Variants in LRRC40 observed in about 807,000 individuals in gnomAD.
LRRC40 encodes leucine rich repeat containing 40.
LRRC40 carries 76 observed loss-of-function variants against 72.8 expected under a neutral mutation model. The ratio of observed to expected loss-of-function variants is 1.04; its 90% CI spans 0.87 to 1.26. The LOEUF (loss-of-function observed/expected upper bound fraction) is 1.26, where lower values mean the gene tolerates loss of function less well. Ranked by LOEUF, LRRC40 falls within the 50% of genes most tolerant of loss-of-function variation. LRRC40 has a pLI of 0.00. For synonymous variants in LRRC40, 243 were observed against 254.2 expected, an observed-to-expected ratio of 0.96 and a Z score of 0.42; for missense variants, 684 against 698.9, an observed-to-expected ratio of 0.98 and a Z score of 0.24.
Position 70,145,852 on chromosome 1 carries a change from A to G in LRRC40, c.1757T>C (p.Met586Thr). ...PFRVPRAAIL[M>T]KGTAAILEYL... ...TTCAAGTATAGCAGCTGTTCCTTTC[A>G]TTAATATGGCTGCTCGAGGAACTCG... Residue 586 changes from methionine to threonine, a missense_variant, in exon 15 of 15, where the codon ATG becomes ACG. Transcript: ENST00000370952. The G allele has an allele frequency of 6.2e-7, 1 of 1,611,120 alleles. No homozygotes were observed. The highest frequency in any genetic ancestry group is 1.7e-5 in the Admixed American group (1 of 59,938).
At chr1:70,146,404 C>T (rs184620714) in intron 14 of LRRC40, among the ~76,000 whole-genome samples, 8 of 152,284 alleles carry the variant, frequency 5.3e-5, no homozygotes, top group Admixed American at 4.6e-4. Context: ...TAATTGAATA[C>T]TTACTTTGTG....
At chr1:70,187,544 G>A (rs954849907) in intron 2 of LRRC40, among the ~76,000 whole-genome samples, 1 of 152,074 alleles carries the variant, frequency 6.6e-6, no homozygotes, top group East Asian at 1.9e-4. Context: ...ATGAAGTAAG[G>A]CCAGGTGCAG....
At chr1:70,148,854 C>T (rs1667388009) in intron 13 of LRRC40, among the ~76,000 whole-genome samples, 182 bp from the exon 14 acceptor site, 1 of 152,056 alleles carries the variant, frequency 6.6e-6, no homozygotes, top group Non-Finnish European at 1.5e-5. Context: ...TTTTGAAAAC[C>T]TTGAAATACA....
At chr1:70,194,885 A>C (rs1668576133) in intron 1 of LRRC40, among the ~76,000 whole-genome samples, 2 of 152,158 alleles carry the variant, frequency 1.3e-5, no homozygotes, top group Admixed American at 1.3e-4. Flanking sequence ...AGGTCAATGG[A>C]AAAAGAGTTC....
chr1:70,147,861 C>G (rs144414961), intron 14 of LRRC40: 4 of 152,244 alleles, frequency 2.6e-5, no homozygotes, highest in Admixed American at 6.5e-5. Context: ...ACTTAATAAG[C>G]ACTTACTGGG....
At chr1:70,168,725 G>A (rs866223323) in intron 9 of LRRC40, among the ~76,000 whole-genome samples, 2 of 152,192 alleles carry the variant, frequency 1.3e-5, no homozygotes, top group Admixed American at 1.3e-4. Context: ...AAAGCTGAGT[G>A]TCTATAACAG....
chr1:70,197,260 A>T (rs1571497221), intron 1 of LRRC40, among the ~76,000 whole-genome samples: 1 of 149,014 alleles, frequency 6.7e-6, no homozygotes, highest in African/African-American at 2.5e-5. Flanking sequence ...GGCGGGGGGG[A>T]GGAAGATGTA....
intron 1 of LRRC40, 83 bp from the exon 2 acceptor site, chr1:70,189,356 T>G: frequency 4.5e-6 from 5 of 1,110,652 alleles, no homozygotes; most frequent in Non-Finnish European, 6.3e-6. Context: ...TGACATGCTT[T>G]TATAATAGCC....
intron 1 of LRRC40, among the ~76,000 whole-genome samples, chr1:70,191,479 T>A (rs1668499385): frequency 6.6e-6 from 1 of 152,218 alleles, no homozygotes; most frequent in African/African-American, 2.4e-5. Flanking sequence ...TACTCAGATA[T>A]TTTTATTAAC....
intron 9 of LRRC40, among the ~76,000 whole-genome samples, chr1:70,159,805 C>T (rs896250047): frequency 1.3e-5 from 2 of 151,890 alleles, no homozygotes; most frequent in Non-Finnish European, 2.9e-5. Context: ...GAAAGAAAAC[C>T]ATTATTTCCC....
chr1:70,185,078 A>T (rs1385946249), intron 3 of LRRC40, among the ~76,000 whole-genome samples, 164 bp from the exon 4 acceptor site: 1 of 152,254 alleles, frequency 6.6e-6, no homozygotes, highest in South Asian at 2.1e-4. Context: ...GTACTCATTA[A>T]AATAATAGTA....
chr1:70,203,638 C>T (rs1319300767), intron 1 of LRRC40, among the ~76,000 whole-genome samples: 1 of 152,154 alleles, frequency 6.6e-6, no homozygotes, highest in East Asian at 1.9e-4. Context: ...ATGTACCAGG[C>T]ACTTTATTTC....
chr1:70,188,689 T>A (rs79630733), intron 2 of LRRC40, among the ~76,000 whole-genome samples: 1,842 of 152,168 alleles, frequency 0.012, 31 homozygotes, highest in Non-Finnish European at 0.014. Context: ...TGAGCCATGA[T>A]CACGCCACTA....
intron 9 of LRRC40, among the ~76,000 whole-genome samples, chr1:70,170,458 AAAC>A (rs1453524390): frequency 6.6e-6 from 1 of 152,214 alleles, no homozygotes; most frequent in African/African-American, 2.4e-5. Flanking sequence ...CTCTATTTGC[AAAC>A]AACATAGTCT....
At chr1:70,156,452 T>C (rs1218523072) in intron 10 of LRRC40, among the ~76,000 whole-genome samples, 2 of 152,114 alleles carry the variant, frequency 1.3e-5, no homozygotes, top group African/African-American at 4.8e-5. Context: ...GACATTAGAA[T>C]CTGAAGGACT....
Position 70,187,395 on chromosome 1 carries a change from A to G in LRRC40, c.334-57T>C, listed in dbSNP as rs552035939. ...CTTAGTCTTATCATTAACAATATAT[A>G]AGCTTTGCCAGTGTACAAAACTATT... On this transcript the variant is annotated intron_variant, in intron 2 of 14. Transcript: ENST00000370952. 1.4e-4 allele frequency: 121 copies of G among 837,222 alleles called. 1 individual carries two copies. Among genetic ancestry groups the G allele is most frequent in the Admixed American group, 4.2e-4 (18 of 43,242 alleles). The allele number at this position is 837,222 out of a possible 1,614,324, so 51.9% of individuals were successfully genotyped here.
At chr1:70,177,447 A>G (rs1470050155) in intron 6 of LRRC40, among the ~76,000 whole-genome samples, 1 of 152,158 alleles carries the variant, frequency 6.6e-6, no homozygotes, top group Non-Finnish European at 1.5e-5. Context: ...GAAGCTAATC[A>G]TTTCCAGGTG....
Position 70,189,128 on chromosome 1 carries a change from A to T in LRRC40, c.297T>A (p.Asp99Glu). Residue 99 changes from aspartate (D) to glutamate (E), a missense_variant, in exon 2 of 15, where the codon GAT (aspartate) becomes GAA (glutamate). By Grantham distance (45) the Asp-to-Glu change is conservative. Transcript: ENST00000370952. ...ISNNKLQSLT[D>E]DLRLLPALTV... is the part of the protein sequence containing the mutation. ...TCAGTGCAGGCAAGAGTCGCAGGTCATCTGTAAGTGACTGAAGTTTATTGT... is the reference window on the plus strand; with the variant it reads ...TCAGTGCAGGCAAGAGTCGCAGGTCTTCTGTAAGTGACTGAAGTTTATTGT... 1 of 1,613,892 alleles carries T rather than the reference A, an allele frequency of 6.2e-7. No homozygotes were observed. The highest frequency in any genetic ancestry group is 8.5e-7 in the Non-Finnish European group (1 of 1,179,954).
rs1668093972 is a variant in LRRC40, at chr1:70,175,928, G to A, written c.859C>T (p.His287Tyr). ...TCTAGCACAAGAATTGAATTCAGAT[G>A]TTTAAGATGTTCTGCCTCTAACATT... ...IEMLEAEHLK[H>Y]LNSILVLDLR... is the part of the protein sequence containing the mutation. The change falls in exon 7 of 15, where the codon CAT becomes TAT. Residue 287 changes from histidine to tyrosine, a missense_variant. Physicochemically the swap from His to Tyr is moderately conservative, Grantham distance 83. Transcript: ENST00000370952. 2 of 1,595,332 alleles carry A rather than the reference G, an allele frequency of 1.3e-6. No individual in the cohort carries two copies. Among genetic ancestry groups the A allele is most frequent in the Non-Finnish European group, 8.5e-7 (1 of 1,174,366 alleles).
Sources: allele counts gnomAD v4.1 joint callset (sites outside exome capture counted in the v4.1 genomes callset), GRCh38; gene constraint gnomAD v4.1.1; transcripts MANE v1.5; gene names NCBI Gene and HGNC (gene_info 2026-07-23, HGNC 2026-07-21).